The following TOM1 variants were observed in gnomAD, a reference collection of about 807,000 sequenced individuals.
The protein encoded by TOM1 is target of myb1 membrane trafficking protein.
In TOM1, 38 loss-of-function variants were observed where a neutral mutation model predicts 61.3. The observed-to-expected ratio is 0.62, with a 90% CI of 0.48 to 0.81. The LOEUF (loss-of-function observed/expected upper bound fraction) is 0.81, where lower values mean the gene tolerates loss of function less well. Among genes scored for constraint, TOM1 ranks in the 40% least tolerant of loss-of-function variants. The pLI is 0.00. For missense variants in TOM1, 591 were observed against 659.6 expected (o/e 0.90, Z 1.14); for synonymous variants, 270 against 268.8 (o/e 1.00, Z -0.04).
At chr22:35,309,239 G>A (rs75303553) in intron 1 of TOM1, among the ~76,000 whole-genome samples, 1 of 152,178 alleles carries the variant, frequency 6.6e-6, no homozygotes, top group Non-Finnish European at 1.5e-5. Flanking sequence ...GGCACAGAGA[G>A]GCCGAGGAGT....
At chr22:35,341,542 GC>G (rs1929883634) in intron 12 of TOM1, among the ~76,000 whole-genome samples, 1 of 152,118 alleles carries the variant, frequency 6.6e-6, no homozygotes, top group African/African-American at 2.4e-5. Flanking sequence ...CACACCGCGA[GC>G]CTGCTGTAGG....
At position 35,323,908 on chromosome 22, in the gene TOM1, G is replaced by A. The variant is rs371441856; in HGVS notation, c.642G>A (p.Pro214=). The A allele has an allele frequency of 2.2e-5, 34 of 1,562,288 alleles. No homozygotes were observed. The highest frequency in any genetic ancestry group is 1.5e-4 in the African/African-American group (11 of 73,434). The change falls in exon 6 of 15, where the codon CCG becomes CCA. Residue 214 remains proline, a synonymous_variant. Transcript: ENST00000449058. The surrounding 1 kb of genome is among the most constrained non-coding windows in gnomAD (Gnocchi z 4.2). ...LSGDTPIAPT[P]EQIGKLRSEL... is the part of the protein sequence containing the mutation. ...GTGACACGCCCATAGCACCAACCCC[G>A]GAACAGGTAAACGAGCCTGGGGTCA... is the stretch of plus-strand genomic sequence containing the variant.
chr22:35,339,482 T>A, intron 12 of TOM1, among the ~76,000 whole-genome samples: 1 of 152,204 alleles, frequency 6.6e-6, no homozygotes, highest in African/African-American at 2.4e-5. Flanking sequence ...CACCTATACT[T>A]GTTTATAATA....
At chr22:35,311,603 TGC>T (rs1926831861) in intron 1 of TOM1, among the ~76,000 whole-genome samples, 1 of 152,230 alleles carries the variant, frequency 6.6e-6, no homozygotes, top group Admixed American at 6.5e-5. Flanking sequence ...TGCCCCCCTC[TGC>T]TCTGTTGCAC....
chr22:35,329,730 GT>G (rs200204436), intron 7 of TOM1, among the ~76,000 whole-genome samples: 2 of 151,394 alleles, frequency 1.3e-5, no homozygotes, highest in Non-Finnish European at 2.9e-5. Context: ...TGCAGACTCA[GT>G]TTTTTTTTGA....
intron 11 of TOM1, 139 bp downstream of exon 11, chr22:35,334,587 C>T (rs2145695734): frequency 9.5e-7 from 1 of 1,056,276 alleles, no homozygotes; most frequent in East Asian, 2.5e-5. Flanking sequence ...TCCCCTAAGT[C>T]AGTCCAGCAT....
upstream of TOM1, chr22:35,299,678 G>GGGCCCCGACCCC (rs1925527744): frequency 8.1e-6 from 4 of 491,572 alleles, no homozygotes; most frequent in African/African-American, 2.1e-5. Flanking sequence ...CGCGCTTCCC[G>GGGCCCCGACCCC]GGCCCCGACC....
intron 2 of TOM1, among the ~76,000 whole-genome samples, chr22:35,320,957 G>C (rs984437090): frequency 4.7e-4 from 66 of 141,600 alleles, no homozygotes; most frequent in Non-Finnish European, 9.3e-4. Context: ...ACTCCAGCCT[G>C]GGCGACAGAG....
chr22:35,324,041 T>C lies in TOM1; in HGVS notation c.648+127T>C, dbSNP rs1928095345. On this transcript the variant is annotated intron_variant, in intron 6 of 14. Transcript: ENST00000449058. ...CTTCCTCACAGCAGCCCACAGGGTA[T>C]GTGTGGTTCTTCCTGTTTGAGCGAT... is the stretch of plus-strand genomic sequence containing the variant. 4 of 1,185,834 alleles carry C rather than the reference T, an allele frequency of 3.4e-6. No homozygotes were observed. In the African/African-American group the frequency reaches 4.6e-5, roughly 14 times the overall value. The allele number at this position is 1,185,834 out of a possible 1,614,324, so 73.5% of individuals were successfully genotyped here.
intron 1 of TOM1, among the ~76,000 whole-genome samples, chr22:35,314,787 C>A (rs986447515): frequency 5.3e-5 from 8 of 152,222 alleles, no homozygotes; most frequent in Admixed American, 3.9e-4. Context: ...GGCACAGAAG[C>A]CTCAGGCACC....
intron 1 of TOM1, among the ~76,000 whole-genome samples, chr22:35,316,842 G>A (rs1410300575): frequency 2.0e-5 from 3 of 152,098 alleles, no homozygotes; most frequent in African/African-American, 7.2e-5. Flanking sequence ...GGCCCGTACC[G>A]TGCTGATACC....
intron 1 of TOM1, among the ~76,000 whole-genome samples, chr22:35,316,381 A>T (rs1315222368): frequency 1.3e-5 from 2 of 152,260 alleles, no homozygotes; most frequent in Non-Finnish European, 2.9e-5. Context: ...TGACGCGTGA[A>T]GATAGCATCT....
chr22:35,305,921 A>G (rs1926292569), intron 1 of TOM1, among the ~76,000 whole-genome samples: 1 of 152,100 alleles, frequency 6.6e-6, no homozygotes, highest in Non-Finnish European at 1.5e-5. Context: ...GACCAGGGTC[A>G]GTGAGCTTTT....
intron 1 of TOM1, among the ~76,000 whole-genome samples, chr22:35,311,810 G>A (rs1385445434): frequency 6.6e-6 from 1 of 152,226 alleles, no homozygotes; most frequent in African/African-American, 2.4e-5. Flanking sequence ...GGTCCTCCGA[G>A]CATCCTGCAC....
chr22:35,308,559 G>A (rs1050325119), intron 1 of TOM1, among the ~76,000 whole-genome samples: 1 of 152,024 alleles, frequency 6.6e-6, no homozygotes, highest in Non-Finnish European at 1.5e-5. Flanking sequence ...TAGGATTACG[G>A]GCATGAGCTA....
At chr22:35,312,073 T>G (rs910621736) in intron 1 of TOM1, among the ~76,000 whole-genome samples, 2 of 151,760 alleles carry the variant, frequency 1.3e-5, no homozygotes, top group Non-Finnish European at 2.9e-5. Context: ...GCCAAGGTGG[T>G]GAAACCTCAT....
intron 1 of TOM1, among the ~76,000 whole-genome samples, chr22:35,311,427 G>A (rs1926810492): frequency 6.6e-6 from 1 of 152,236 alleles, no homozygotes; most frequent in African/African-American, 2.4e-5. Context: ...GCTCCACGAT[G>A]TCTCAAAACA....
At chr22:35,330,568 T>C in intron 8 of TOM1, 88 bp downstream of exon 8, 5 of 1,333,018 alleles carry the variant, frequency 3.8e-6, no homozygotes, top group South Asian at 1.4e-5. Context: ...TCATGCCATC[T>C]GAGCCTTCTC....
At position 35,323,536 on chromosome 22, in the gene TOM1, G is replaced by GT; in HGVS notation, c.408dup (p.Val137CysfsTer6). Reference sequence around the variant, plus strand: ...TTCCGCAGCTCGCCCGATCTGACAGGTGTGGTCACCATCTATGAGGACCTG... The same window carrying GT: ...TTCCGCAGCTCGCCCGATCTGACAGGTTGTGGTCACCATCTATGAGGACCTG... On this transcript the variant is annotated frameshift_variant, in exon 5 of 15. Transcript: ENST00000449058. LOFTEE classifies it high-confidence loss of function. The surrounding 1 kb of genome is among the most constrained non-coding windows in gnomAD (Gnocchi z 4.2). The GT allele has an allele frequency of 6.2e-7, 1 of 1,614,182 alleles. No individual in the cohort carries two copies. Among genetic ancestry groups the GT allele is most frequent in the South Asian group, 1.1e-5 (1 of 91,082 alleles).
Sources: allele counts gnomAD v4.1 joint callset (sites outside exome capture counted in the v4.1 genomes callset), GRCh38; gene constraint gnomAD v4.1.1; non-coding constraint Gnocchi (gnomAD v3.1); transcripts MANE v1.5; gene names NCBI Gene and HGNC (gene_info 2026-07-23, HGNC 2026-07-21).